EIF3L: variants seen among roughly 807,000 people sequenced by gnomAD.
EIF3L encodes the protein eIEF associated protein HSPC021.
A neutral mutation model predicts 74.6 loss-of-function variants in EIF3L; 32 were observed. The observed-to-expected ratio is 0.43, with a 90% confidence interval of 0.32 to 0.58. The LOEUF (loss-of-function observed/expected upper bound fraction) is 0.58. Among genes scored for constraint, EIF3L ranks in the 20% least tolerant of loss-of-function variants. The pLI is 0.06. For synonymous variants in EIF3L, 256 were observed against 254.4 expected, an observed-to-expected ratio of 1.01 and a Z score of -0.06; for missense variants, 474 against 707.8, an observed-to-expected ratio of 0.67 and a Z score of 3.75.
chr22:37,872,114 A>G (rs1372186736), intron 8 of EIF3L, among the ~76,000 whole-genome samples: 1 of 150,940 alleles, frequency 6.6e-6, no homozygotes. Context: ...CCTTACATCC[A>G]TGTGTGACTT....
intron 7 of EIF3L, 101 bp downstream of exon 7, chr22:37,863,446 C>A: frequency 1.0e-6 from 1 of 977,440 alleles, no homozygotes; most frequent in South Asian, 1.5e-5. Context: ...AAAAATATCC[C>A]CATTGTAGTG....
intron 12 of EIF3L, chr22:37,887,306 A>AG (rs1927374855): frequency 6.6e-6 from 1 of 151,638 alleles, no homozygotes; most frequent in Non-Finnish European, 1.5e-5. Flanking sequence ...CCCTGTCTCA[A>AG]GAAAAAAAAA....
intron 7 of EIF3L, among the ~76,000 whole-genome samples, chr22:37,867,145 C>T (rs935220346): frequency 1.3e-5 from 2 of 151,962 alleles, no homozygotes; most frequent in African/African-American, 4.8e-5. Flanking sequence ...TCAAGCAATC[C>T]CCCCACCTTA....
chr22:37,858,643 A>G, intron 4 of EIF3L, 36 bp from the exon 5 acceptor site: 1 of 1,594,192 alleles, frequency 6.3e-7, no homozygotes, highest in Non-Finnish European at 8.6e-7. Context: ...CCCCAGTTTT[A>G]TGGTTAGTGA....
chr22:37,865,137 G>A (rs991615055), intron 7 of EIF3L, among the ~76,000 whole-genome samples: 3 of 152,058 alleles, frequency 2.0e-5, no homozygotes, highest in African/African-American at 7.2e-5. Flanking sequence ...CAGTAGGATC[G>A]CTTCAGTCCA....
intron 7 of EIF3L, among the ~76,000 whole-genome samples, chr22:37,865,725 G>T (rs1420554552): frequency 6.6e-6 from 1 of 152,198 alleles, no homozygotes; most frequent in Non-Finnish European, 1.5e-5. Flanking sequence ...CATAGCAAAG[G>T]CCACAAACCG....
chr22:37,859,872 C>T (rs763770623), intron 5 of EIF3L, among the ~76,000 whole-genome samples: 5 of 151,822 alleles, frequency 3.3e-5, no homozygotes, highest in African/African-American at 4.8e-5. Flanking sequence ...ATAAGCTGGG[C>T]GTGGTGGCGG....
intron 12 of EIF3L, 160 bp from the exon 13 acceptor site, chr22:37,888,262 TATGA>T: frequency 1.5e-6 from 1 of 665,762 alleles, no homozygotes; most frequent in Non-Finnish European, 2.6e-6. Context: ...TGCAGGGCCA[TATGA>T]ATGTCACGGC....
At position 37,875,913 on chromosome 22, in the gene EIF3L, C is replaced by T. The variant is rs1205899248; in HGVS notation, c.979C>T (p.Arg327Cys). 4 of 1,613,890 alleles carry T rather than the reference C, an allele frequency of 2.5e-6. No individual in the cohort carries two copies. Among genetic ancestry groups the T allele is most frequent in the Admixed American group, 3.3e-5 (2 of 59,950 alleles). Residue 327 changes from arginine (R) to cysteine (C), a missense_variant, in exon 10 of 13, where the codon CGT becomes TGT. This residue lies in a region of EIF3L where 293 missense variants were observed against 469.1 expected (regional missense o/e 0.62). Coordinates refer to ENST00000652021, the MANE Select transcript of EIF3L (RefSeq NM_016091.4). The stretch of plus-strand genomic sequence containing the variant: ...TGTTGGGTTTGCATATTTGATGATG[C>T]GTCGTTACCAGGATGCCATCCGGGT... ...YYVGFAYLMM[R>C]RYQDAIRVFA...
At chr22:37,874,895 ATTTTT>A (rs35994639) in intron 9 of EIF3L, among the ~76,000 whole-genome samples, 3 of 113,490 alleles carry the variant, frequency 2.6e-5, no homozygotes, top group Non-Finnish European at 5.4e-5. Flanking sequence ...TGCCCAGCTA[ATTTTT>A]TTTTTTTTTT....
At chr22:37,863,801 C>CA (rs1441732940) in intron 7 of EIF3L, among the ~76,000 whole-genome samples, 5 of 151,926 alleles carry the variant, frequency 3.3e-5, no homozygotes, top group East Asian at 1.9e-4. Flanking sequence ...CGCGGTGACT[C>CA]ACGCCTGTAA....
chr22:37,878,450 C>G, intron 11 of EIF3L: 1 of 259,088 alleles, frequency 3.9e-6, no homozygotes, highest in Non-Finnish European at 7.2e-6. Context: ...AAGAGATAAA[C>G]AATAGATGGT....
chr22:37,851,202 C>T (rs1476163400), intron 2 of EIF3L, 78 bp from the exon 3 acceptor site: 44 of 1,227,824 alleles, frequency 3.6e-5, no homozygotes, highest in Middle Eastern at 1.9e-4. Flanking sequence ...AGTTTAGTTT[C>T]TGGGGTGGTC....
chr22:37,879,082 T>G (rs553980440), intron 11 of EIF3L: 1 of 152,190 alleles, frequency 6.6e-6, no homozygotes, highest in Non-Finnish European at 1.5e-5. Context: ...TAGCTGGAAT[T>G]ATAAGAGGCC....
intron 11 of EIF3L, chr22:37,886,414 C>G (rs1927322818): frequency 6.1e-6 from 1 of 164,836 alleles, no homozygotes; most frequent in Non-Finnish European, 1.3e-5. Context: ...ACTAAAAATA[C>G]AAAAATTAGC....
At chr22:37,881,729 A>C (rs1482998492) in intron 11 of EIF3L, 2 of 152,108 alleles carry the variant, frequency 1.3e-5, no homozygotes, top group Non-Finnish European at 2.9e-5. Flanking sequence ...GTTTTCTAAG[A>C]TCAGCAAATG....
chr22:37,849,805 C>G (rs969168817), intron 1 of EIF3L: 2 of 624,894 alleles, frequency 3.2e-6, no homozygotes, highest in Non-Finnish European at 5.6e-6. Flanking sequence ...GCCTCTTGTC[C>G]TTTGCTCCAC....
chr22:37,868,964 A>G (rs530407620), intron 7 of EIF3L, among the ~76,000 whole-genome samples: 2 of 152,064 alleles, frequency 1.3e-5, no homozygotes, highest in Admixed American at 6.6e-5. Flanking sequence ...TTTAGTAGAG[A>G]TGGGGTTTCA....
intron 8 of EIF3L, among the ~76,000 whole-genome samples, chr22:37,871,892 AGAT>A (rs1394511367): frequency 3.4e-5 from 5 of 147,308 alleles, no homozygotes; most frequent in Admixed American, 3.4e-4. Flanking sequence ...AAAAAAAAAA[AGAT>A]ATCTCATTAG....
Sources: gnomAD v4.1 joint callset for allele counts (sites outside exome capture counted in the v4.1 genomes callset) on GRCh38, gnomAD v4.1.1 for gene constraint, gnomAD v4.1.1 regional missense constraint, MANE v1.5 for transcripts, NCBI Gene and HGNC (gene_info 2026-07-23, HGNC 2026-07-21) for gene names.